The following TSHZ2 variants were observed in gnomAD, a reference collection of about 807,000 sequenced individuals.
TSHZ2 encodes the protein teashirt zinc finger homeobox 2.
A neutral mutation model predicts 74.4 loss-of-function variants in TSHZ2; 21 were observed. The observed-to-expected ratio is 0.28, with a 90% CI of 0.20 to 0.41. The LOEUF (loss-of-function observed/expected upper bound fraction) is 0.41. TSHZ2 is among the 10% of genes least tolerant of loss of function. TSHZ2 has a pLI of 1.00. For synonymous variants in TSHZ2, 540 were observed against 515.3 expected, an observed-to-expected ratio of 1.05 and a Z score of -0.65; for missense variants, 1,244 against 1,293.5, an observed-to-expected ratio of 0.96 and a Z score of 0.59.
chr20:53,012,048 G>T (rs1982871482), intron 1 of TSHZ2, among the ~76,000 whole-genome samples: 1 of 152,150 alleles, frequency 6.6e-6, no homozygotes, highest in African/African-American at 2.4e-5. Flanking sequence ...ACGATATCTG[G>T]TTTCAAAGCC....
At chr20:53,066,371 C>A (rs1184928278) in intron 1 of TSHZ2, among the ~76,000 whole-genome samples, 3 of 152,168 alleles carry the variant, frequency 2.0e-5, no homozygotes, top group Non-Finnish European at 2.9e-5. Flanking sequence ...CACTGCCCCC[C>A]ACCCCCCACA....
chr20:53,269,359 G>C (rs1256098707), intron 2 of TSHZ2, among the ~76,000 whole-genome samples: 1 of 152,034 alleles, frequency 6.6e-6, no homozygotes, highest in Non-Finnish European at 1.5e-5. Flanking sequence ...TGGGAGGGGT[G>C]GGGGGGATAA....
In TSHZ2 at chr20:53,256,386, G is replaced by T. The variant is rs375281388; in HGVS notation, c.2928G>T (p.Ser976=). 4 of 1,613,102 alleles carry T rather than the reference G, an allele frequency of 2.5e-6. No homozygotes were observed. Among genetic ancestry groups the T allele is most frequent in the Non-Finnish European group, 3.4e-6 (4 of 1,179,288 alleles). ...KVEQEISRVS[S]AQRSPETIAA... ...AGCAAGAGATCTCCCGGGTATCGTC[G>T]GCTCAGAGGTCTCCAGAAACAATAG... Residue 976 remains serine, a synonymous_variant, in exon 2 of 3, where the codon TCG becomes TCT. Coordinates refer to ENST00000371497, the MANE Select transcript of TSHZ2 (RefSeq NM_173485.6). The surrounding 1 kb of genome is among the most constrained non-coding windows in gnomAD (Gnocchi z 4.3).
At chr20:53,119,583 T>C (rs757481597) in intron 1 of TSHZ2, among the ~76,000 whole-genome samples, 11 of 152,206 alleles carry the variant, frequency 7.2e-5, no homozygotes, top group Non-Finnish European at 1.3e-4. Flanking sequence ...CTATGTTTTA[T>C]GAAATACACA....
intron 1 of TSHZ2, among the ~76,000 whole-genome samples, chr20:53,217,854 G>T (rs531953348): frequency 2.6e-5 from 4 of 151,962 alleles, no homozygotes; most frequent in Non-Finnish European, 2.9e-5. Flanking sequence ...TATCATTACT[G>T]GTTTTATCCT....
intron 1 of TSHZ2, among the ~76,000 whole-genome samples, chr20:53,120,142 T>C (rs1372155495): frequency 6.6e-6 from 1 of 152,256 alleles, no homozygotes; most frequent in African/African-American, 2.4e-5. Context: ...TCTCATTTCA[T>C]GATTCCTTTC....
chr20:53,209,887 C>T (rs1989258973), intron 1 of TSHZ2, among the ~76,000 whole-genome samples: 1 of 151,210 alleles, frequency 6.6e-6, no homozygotes, highest in South Asian at 2.2e-4. Flanking sequence ...ACAGAGAAGA[C>T]GACAGATTCT....
At chr20:53,213,438 A>G (rs550134413) in intron 1 of TSHZ2, among the ~76,000 whole-genome samples, 1 of 152,322 alleles carries the variant, frequency 6.6e-6, no homozygotes, top group African/African-American at 2.4e-5. Flanking sequence ...GCACTCGTCA[A>G]TGCCTGAACT....
At chr20:53,192,870 T>C (rs1335507465) in intron 1 of TSHZ2, among the ~76,000 whole-genome samples, 1 of 152,180 alleles carries the variant, frequency 6.6e-6, no homozygotes, top group Non-Finnish European at 1.5e-5. Flanking sequence ...GAAAGATGAT[T>C]TTTCTCAGGG....
chr20:53,075,530 G>A (rs1394177686), intron 1 of TSHZ2, among the ~76,000 whole-genome samples: 1 of 152,200 alleles, frequency 6.6e-6, no homozygotes, highest in Admixed American at 6.5e-5. Flanking sequence ...GTTAGTTTCT[G>A]ATACTAACCT....
chr20:53,060,240 A>G lies in TSHZ2; in HGVS notation c.40+86907A>G, dbSNP rs74986869. On this transcript the variant is annotated intron_variant, in intron 1 of 2. Transcript: ENST00000371497. ...ACCTCACTGAATTTTATGAAGGAAAAGATATGCTTTGGTAGATTCATAAAT... is the reference window on the plus strand; with the variant it reads ...ACCTCACTGAATTTTATGAAGGAAAGGATATGCTTTGGTAGATTCATAAAT... Among the ~76,000 whole-genome samples the G allele has an allele frequency of 8.9e-3, 1,351 of 152,310 alleles. 19 individuals are homozygous for G. The highest frequency in any genetic ancestry group is 0.031 in the African/African-American group (1,281 of 41,570).
Position 53,254,855 on chromosome 20 carries a change from A to C in TSHZ2, c.1397A>C (p.Lys466Thr), listed in dbSNP as rs754923823. ...STTELKKESK[K>T]ERPEETSKDE... ...ACTGAGTTAAAGAAAGAGAGTAAAA[A>C]AGAAAGGCCAGAGGAAACCAGCAAG... The change falls in exon 2 of 3, where the codon AAA (lysine) becomes ACA (threonine). Residue 466 changes from lysine (K) to threonine (T), a missense_variant. Lys to Thr is a moderately conservative substitution (Grantham distance 78). This residue lies in a region of TSHZ2 where 562 missense variants were observed against 544.0 expected (regional missense o/e 1.03). Transcript: ENST00000371497. 3 of 1,614,138 alleles carry C rather than the reference A, an allele frequency of 1.9e-6. No individual in the cohort carries two copies. The highest frequency in any genetic ancestry group is 2.5e-6 in the Non-Finnish European group (3 of 1,180,022).
chr20:53,481,131 C>T (rs1986136650), intron 2 of TSHZ2, among the ~76,000 whole-genome samples: 1 of 152,012 alleles, frequency 6.6e-6, no homozygotes, highest in African/African-American at 2.4e-5. Flanking sequence ...TCAATCTGTT[C>T]TATGCAATTC....
intron 1 of TSHZ2, among the ~76,000 whole-genome samples, chr20:53,038,887 T>TGTTC (rs1467662964): frequency 7.9e-6 from 1 of 127,324 alleles, no homozygotes; most frequent in East Asian, 2.1e-4. Context: ...TGTTTTGTTT[T>TGTTC]GTTTGTTTGT....
At chr20:53,157,603 A>G (rs1987828453) in intron 1 of TSHZ2, among the ~76,000 whole-genome samples, 1 of 152,080 alleles carries the variant, frequency 6.6e-6, no homozygotes, top group African/African-American at 2.4e-5. Context: ...AAGTATTCTC[A>G]TCATGAAAAT....
chr20:53,140,874 G>A (rs1429218518), intron 1 of TSHZ2, among the ~76,000 whole-genome samples: 1 of 152,164 alleles, frequency 6.6e-6, no homozygotes, highest in Non-Finnish European at 1.5e-5. Flanking sequence ...GAGGGACGGT[G>A]TGGACAGCAG....
At chr20:52,984,391 T>C (rs1438375682) in intron 1 of TSHZ2, among the ~76,000 whole-genome samples, 1 of 152,102 alleles carries the variant, frequency 6.6e-6, no homozygotes, top group African/African-American at 2.4e-5. Flanking sequence ...CTGTTTTGGA[T>C]AAGACGATCA....
At chr20:53,477,545 A>T (rs1428253142) in intron 2 of TSHZ2, among the ~76,000 whole-genome samples, 2 of 128,278 alleles carry the variant, frequency 1.6e-5, no homozygotes, top group African/African-American at 6.2e-5. Flanking sequence ...TTAGACCTAA[A>T]ACCATAAAAA....
At chr20:53,010,784 C>G (rs1188772179) in intron 1 of TSHZ2, among the ~76,000 whole-genome samples, 1 of 152,114 alleles carries the variant, frequency 6.6e-6, no homozygotes, top group African/African-American at 2.4e-5. Context: ...GAGTGTCACA[C>G]CTGAAAAGCT....
Sources: allele counts gnomAD v4.1 joint callset (sites outside exome capture counted in the v4.1 genomes callset), GRCh38; gene constraint gnomAD v4.1.1; regional missense constraint gnomAD v4.1.1; non-coding constraint Gnocchi (gnomAD v3.1); transcripts MANE v1.5; gene names NCBI Gene and HGNC (gene_info 2026-07-23, HGNC 2026-07-21).